Variants in DNMBP observed in about 807,000 individuals in gnomAD.
DNMBP encodes the protein dynamin binding protein.
In DNMBP, 87 loss-of-function variants were observed where a neutral mutation model predicts 150.0. The observed-to-expected ratio is 0.58, with a 90% confidence interval of 0.49 to 0.69. The LOEUF (loss-of-function observed/expected upper bound fraction) is 0.69, where lower values mean the gene tolerates loss of function less well. DNMBP is among the 30% of genes least tolerant of loss of function. DNMBP has a pLI of 0.00. For synonymous variants in DNMBP, 711 were observed against 750.4 expected (o/e 0.95, Z 0.86); for missense variants, 1,774 against 1,949.0 (o/e 0.91, Z 1.69).
At chr10:100,004,464 C>T (rs2041047503) in intron 1 of DNMBP, among the ~76,000 whole-genome samples, 1 of 152,000 alleles carries the variant, frequency 6.6e-6, no homozygotes, top group African/African-American at 2.4e-5. Flanking sequence ...AACTGACAGA[C>T]TAATGGAACA....
intron 4 of DNMBP, among the ~76,000 whole-genome samples, chr10:99,919,351 C>T (rs1397085136): frequency 6.6e-6 from 1 of 152,210 alleles, no homozygotes; most frequent in African/African-American, 2.4e-5. Flanking sequence ...TTCTCTCCTA[C>T]TCTATAAAAA....
chr10:99,883,578 G>A (rs1186219528), intron 15 of DNMBP, among the ~76,000 whole-genome samples: 1 of 131,390 alleles, frequency 7.6e-6, no homozygotes, highest in Non-Finnish European at 1.6e-5. Flanking sequence ...TTGAACCCAG[G>A]AGTAATAAGC....
chr10:99,887,894 G>A (rs957042553), intron 12 of DNMBP, among the ~76,000 whole-genome samples: 6 of 151,898 alleles, frequency 4.0e-5, no homozygotes, highest in African/African-American at 7.3e-5. Context: ...GCATGATCTC[G>A]GCTCACCATG....
Position 99,928,934 on chromosome 10 carries a change from A to C in DNMBP, c.2261-19788T>G, listed in dbSNP as rs111658716. On this transcript the variant is annotated intron_variant, in intron 4 of 16. Transcript: ENST00000324109. The stretch of plus-strand genomic sequence containing the variant: ...AGAGGTGGGTGGTTCGCTCAAGCCC[A>C]GGAGTTCAAGATCAGCCTGGGCAAC... Among the ~76,000 whole-genome samples the C allele has an allele frequency of 3.6e-3, 547 of 152,282 alleles. 7 individuals are homozygous for C. The highest frequency in any genetic ancestry group is 0.013 in the African/African-American group (529 of 41,548).
chr10:99,902,458 C>T lies in DNMBP; in HGVS notation c.2555-2392G>A, dbSNP rs376659336. Reference sequence around the variant, plus strand: ...CTGAGTAGCTGGGATCACAGGCATGCGCCACCACGCCTGGCTCATTTTTGT... The same window carrying T: ...CTGAGTAGCTGGGATCACAGGCATGTGCCACCACGCCTGGCTCATTTTTGT... On this transcript the variant is annotated intron_variant, in intron 6 of 16. Coordinates refer to ENST00000324109, the MANE Select transcript of DNMBP (RefSeq NM_015221.4). Among the ~76,000 whole-genome samples the T allele has an allele frequency of 7.9e-4, 118 of 149,822 alleles. 2 individuals are homozygous for T. Among genetic ancestry groups the T allele is most frequent in the African/African-American group, 2.8e-3 (113 of 40,860 alleles).
chr10:99,880,507 G>T, intron 15 of DNMBP, 146 bp from the exon 16 acceptor site: 2 of 1,136,748 alleles, frequency 1.8e-6, no homozygotes, highest in Non-Finnish European at 2.4e-6. Flanking sequence ...GGCCAATAGT[G>T]AGAGACACAA....
intron 1 of DNMBP, among the ~76,000 whole-genome samples, chr10:99,992,644 A>G (rs1177259532): frequency 6.7e-6 from 1 of 148,642 alleles, no homozygotes; most frequent in Non-Finnish European, 1.5e-5. Context: ...CTCCTGCCTT[A>G]GCCTCCCGAG....
intron 3 of DNMBP, among the ~76,000 whole-genome samples, chr10:99,959,050 T>C (rs1214406778): frequency 1.3e-5 from 2 of 152,246 alleles, no homozygotes; most frequent in African/African-American, 2.4e-5. Flanking sequence ...AAACAACACA[T>C]TGCAACAGAT....
intron 1 of DNMBP, among the ~76,000 whole-genome samples, chr10:99,974,411 TA>T (rs1209577617): frequency 6.6e-6 from 1 of 152,218 alleles, no homozygotes; most frequent in Non-Finnish European, 1.5e-5. Flanking sequence ...CATCCCTCTG[TA>T]GACAATCAGC....
At chr10:99,963,948 G>A (rs554109037) in intron 3 of DNMBP, among the ~76,000 whole-genome samples, 25 of 152,132 alleles carry the variant, frequency 1.6e-4, no homozygotes, top group African/African-American at 6.0e-4. Context: ...TAACACATGT[G>A]CTTTGACTGA....
chr10:99,967,034 G>A (rs1227825433), intron 3 of DNMBP, among the ~76,000 whole-genome samples: 1 of 151,292 alleles, frequency 6.6e-6, no homozygotes, highest in Non-Finnish European at 1.5e-5. Flanking sequence ...TGGGCTCAAG[G>A]GATACTCTTG....
chr10:99,972,207 A>G, intron 1 of DNMBP, 73 bp from the exon 2 acceptor site: 1 of 1,355,426 alleles, frequency 7.4e-7, no homozygotes, highest in Non-Finnish European at 1.0e-6. Flanking sequence ...ATTTCTTGGA[A>G]TGATAAAGCT....
intron 3 of DNMBP, chr10:99,958,362 A>G (rs1447977350): frequency 1.3e-5 from 2 of 152,242 alleles, no homozygotes; most frequent in Non-Finnish European, 2.9e-5. Flanking sequence ...AATTACACAT[A>G]AAGCACTTTT....
rs1172634950 is a variant in DNMBP at position 99,877,472 on chromosome 10, CAG to C, written c.4549-138_4549-137del. On this transcript the variant is annotated intron_variant, in intron 16 of 16. Coordinates refer to ENST00000324109, the MANE Select transcript of DNMBP (RefSeq NM_015221.4). ...AGCCCCTGAAATATGGCCAGTGAGA[CAG>C]AGGAACTGAATTTTTAATCTTATTT... 2.1e-5 allele frequency: 12 copies of C among 585,030 alleles called. No homozygotes were observed. The East Asian group carries it at 2.1e-4, about 10-fold the overall frequency. The allele number at this position is 585,030 out of a possible 1,614,324, so 36.2% of individuals were successfully genotyped here.
intron 4 of DNMBP, among the ~76,000 whole-genome samples, chr10:99,936,517 T>TC (rs2040233597): frequency 1.8e-5 from 1 of 56,420 alleles, no homozygotes; most frequent in Non-Finnish European, 3.8e-5. Context: ...TCTTTTTTCT[T>TC]TTTTTTTTTT....
chr10:99,958,951 C>A (rs925610190), intron 3 of DNMBP, among the ~76,000 whole-genome samples: 63 of 152,176 alleles, frequency 4.1e-4, no homozygotes, highest in African/African-American at 1.4e-3. Flanking sequence ...TGAATATTTG[C>A]AATTATTTGA....
intron 6 of DNMBP, among the ~76,000 whole-genome samples, chr10:99,900,685 G>A (rs1589406726): frequency 1.3e-5 from 2 of 152,068 alleles, no homozygotes; most frequent in African/African-American, 4.8e-5. Flanking sequence ...AGGCTGGAGT[G>A]CAGTGGCACA....
At chr10:100,000,235 C>T (rs11596870) in intron 1 of DNMBP, among the ~76,000 whole-genome samples, 45,185 of 151,844 alleles carry the variant, frequency 0.3, 6,874 homozygotes, top group Admixed American at 0.32. Flanking sequence ...AGGAAAGAAC[C>T]AACTAGAAAG....
At chr10:99,919,782 A>G (rs2040003001) in intron 4 of DNMBP, among the ~76,000 whole-genome samples, 1 of 152,238 alleles carries the variant, frequency 6.6e-6, no homozygotes, top group African/African-American at 2.4e-5. Context: ...GGAAGACTCC[A>G]TCTGGGAGCT....
Sources: allele counts gnomAD v4.1 joint callset (sites outside exome capture counted in the v4.1 genomes callset), GRCh38; gene constraint gnomAD v4.1.1; transcripts MANE v1.5; gene names NCBI Gene and HGNC (gene_info 2026-07-23, HGNC 2026-07-21).